Variants in NFILZ observed in about 807,000 individuals in gnomAD.
NFILZ encodes NFIL3 like protein.
chr19:8,667,434 A>T (rs1429406394), intron 3 of NFILZ, among the ~76,000 whole-genome samples: 2 of 151,366 alleles, frequency 1.3e-5, no homozygotes, highest in African/African-American at 4.9e-5. Flanking sequence ...TCTGGGGGGG[A>T]TTGGTTCTGG....
At chr19:8,644,105 T>C (rs1028974448) in intron 3 of NFILZ, among the ~76,000 whole-genome samples, 3 of 152,186 alleles carry the variant, frequency 2.0e-5, no homozygotes, top group East Asian at 1.9e-4. Context: ...GATTGATTGA[T>C]TGATTGATTA....
intron 3 of NFILZ, among the ~76,000 whole-genome samples, chr19:8,658,926 G>A (rs1245587777): frequency 1.3e-5 from 2 of 152,048 alleles, no homozygotes; most frequent in Non-Finnish European, 2.9e-5. Flanking sequence ...CTCCAGCCTG[G>A]GTGACAGAGC....
chr19:8,667,169 GAA>G (rs2043066082), intron 3 of NFILZ, among the ~76,000 whole-genome samples: 2 of 152,122 alleles, frequency 1.3e-5, no homozygotes, highest in Admixed American at 1.3e-4. Flanking sequence ...TGCAAGGAAA[GAA>G]AAGAAAACAG....
At chr19:8,661,100 C>CT (rs1555749060) in intron 3 of NFILZ, among the ~76,000 whole-genome samples, 40 of 61,290 alleles carry the variant, frequency 6.5e-4, no homozygotes, top group African/African-American at 2.1e-3. Context: ...CCCTCCCTTC[C>CT]TCCTTCCTTC....
At chr19:8,649,111 C>T (rs2042954408) in intron 3 of NFILZ, among the ~76,000 whole-genome samples, 1 of 150,056 alleles carries the variant, frequency 6.7e-6, no homozygotes. Context: ...CACAGGCAGG[C>T]ACCACCACAC....
intron 3 of NFILZ, among the ~76,000 whole-genome samples, chr19:8,652,821 C>G (rs115969731): frequency 0.01 from 1,477 of 147,356 alleles, 25 homozygotes; most frequent in African/African-American, 0.035. Flanking sequence ...CTCTCTCTCT[C>G]TTCTTTCTCA....
chr19:8,649,897 C>T (rs3111574), intron 3 of NFILZ, among the ~76,000 whole-genome samples: 18,210 of 151,828 alleles, frequency 0.12, 1,119 homozygotes, highest in Middle Eastern at 0.22. Context: ...GGCAGATCAC[C>T]TGAGGTCAGG....
At chr19:8,676,314 A>G (rs541539567) in intron 4 of NFILZ, among the ~76,000 whole-genome samples, 45 bp from the exon 5 acceptor site, 1 of 152,272 alleles carries the variant, frequency 6.6e-6, no homozygotes, top group East Asian at 1.9e-4. Context: ...TCTGATCCCA[A>G]ATTGGCTCTG....
chr19:8,645,120 A>G (rs544673688), intron 3 of NFILZ, among the ~76,000 whole-genome samples: 74 of 147,118 alleles, frequency 5.0e-4, no homozygotes, highest in Non-Finnish European at 1.0e-3. Context: ...TCACTGTATG[A>G]GATACAATTT....
intron 3 of NFILZ, among the ~76,000 whole-genome samples, 42 bp from the exon 4 acceptor site, chr19:8,674,509 C>T (rs1030909523): frequency 1.3e-5 from 2 of 149,742 alleles, no homozygotes; most frequent in African/African-American, 4.9e-5. Flanking sequence ...AATTTGAGAG[C>T]CTCTAAGTCA....
rs1465128007 is a variant in NFILZ, at chr19:8,647,775, ACATGCGCGCG to A, written c.-164+12031_-164+12040del. 7.3e-5 allele frequency among the ~76,000 whole-genome samples: 8 copies of A among 109,378 alleles called. No individual in the cohort carries two copies. In the East Asian group the frequency reaches 2.2e-3, roughly 29 times the overall value. 71.8% of individuals were successfully genotyped at this position (109,378 alleles called of 152,430 possible). On this transcript the variant is annotated intron_variant, in intron 3 of 5. Transcript: ENST00000691075. ...CACACACACACACACACACACGCAC[ACATGCGCGCG>A]CGCGCGCGCGCACACACACACACAC... is the stretch of plus-strand genomic sequence containing the variant.
intron 3 of NFILZ, among the ~76,000 whole-genome samples, chr19:8,658,297 A>G (rs903822775): frequency 6.6e-6 from 1 of 151,926 alleles, no homozygotes. Flanking sequence ...CTTCCCCTAC[A>G]GCTGGGGTTC....
chr19:8,665,657 A>G (rs1472938955), intron 3 of NFILZ, among the ~76,000 whole-genome samples: 3 of 152,138 alleles, frequency 2.0e-5, no homozygotes, highest in African/African-American at 7.2e-5. Flanking sequence ...ACATTTCTCA[A>G]TTGCTTTGCC....
At chr19:8,662,219 AG>A (rs1239594457) in intron 3 of NFILZ, among the ~76,000 whole-genome samples, 1 of 149,102 alleles carries the variant, frequency 6.7e-6, no homozygotes, top group Non-Finnish European at 1.5e-5. Flanking sequence ...AAAAAAAAAA[AG>A]GTGAAAAAGT....
intron 3 of NFILZ, among the ~76,000 whole-genome samples, chr19:8,671,702 T>C (rs1382837111): frequency 6.6e-6 from 1 of 152,192 alleles, no homozygotes; most frequent in Non-Finnish European, 1.5e-5. Flanking sequence ...GCCAAGGTGG[T>C]ACTTTCTAGA....
In NFILZ at chr19:8,676,384, TG is replaced by T. The variant is rs1487958918; in HGVS notation, c.-85del. ...GTTCAGTCATCCTTCTGTCTCCCTC[TG>T]GGTTTCCAAGAATCTTACCTTGGAA... On this transcript the variant is annotated 5_prime_UTR_variant, in exon 5 of 6. The change creates a premature stop within an existing upstream ORF in the 5' untranslated region. Transcript: ENST00000691075. 6.6e-6 allele frequency among the ~76,000 whole-genome samples: 1 copy of T among 152,238 alleles called. No individual in the cohort carries two copies. Among genetic ancestry groups the T allele is most frequent in the Non-Finnish European group, 1.5e-5 (1 of 68,042 alleles).
At chr19:8,649,061 C>T (rs2042954240) in intron 3 of NFILZ, among the ~76,000 whole-genome samples, 2 of 151,768 alleles carry the variant, frequency 1.3e-5, no homozygotes, top group South Asian at 4.2e-4. Flanking sequence ...CTCCTGGGCT[C>T]AAGTGATCCT....
chr19:8,637,386 C>G (rs1232159276), intron 3 of NFILZ, among the ~76,000 whole-genome samples: 2 of 151,922 alleles, frequency 1.3e-5, no homozygotes, highest in African/African-American at 4.8e-5. Context: ...CCATAGAACT[C>G]AGCAACTCCT....
In NFILZ at chr19:8,635,711, T is replaced by C. The variant is rs2042891444; in HGVS notation, c.-199T>C. On this transcript the variant is annotated 5_prime_UTR_variant, in exon 3 of 6. An upstream start codon of the reference 5' UTR is lost. Coordinates refer to ENST00000691075, the MANE Select transcript of NFILZ (RefSeq NM_001378600.1). ...CAAATTCATAGGCGATGATAAATAATGTGCCAGACGTTGATGTGCAAGTTT... is the reference window on the plus strand; with the variant it reads ...CAAATTCATAGGCGATGATAAATAACGTGCCAGACGTTGATGTGCAAGTTT... The C allele has an allele frequency of 6.6e-6, 1 of 152,224 alleles. No individual in the cohort carries two copies. The highest frequency in any genetic ancestry group is 1.5e-5 in the Non-Finnish European group (1 of 68,040). 9.4% of individuals were successfully genotyped at this position (152,224 alleles called of 1,614,324 possible).
Sources: allele counts gnomAD v4.1 joint callset (sites outside exome capture counted in the v4.1 genomes callset), GRCh38; gene constraint gnomAD v4.1.1; transcripts MANE v1.5; gene names NCBI Gene and HGNC (gene_info 2026-07-23, HGNC 2026-07-21).